CDH20: variants seen among roughly 807,000 people sequenced by gnomAD.
CDH20 encodes cadherin 20.
CDH20 carries 29 observed loss-of-function variants against 74.2 expected under a neutral mutation model. The observed-to-expected ratio is 0.39, with a 90% CI of 0.29 to 0.53. CDH20 has a LOEUF of 0.53. CDH20 is among the 20% of genes least tolerant of loss of function. CDH20 has a pLI of 0.69. For missense variants in CDH20, 988 were observed against 1,048.3 expected (o/e 0.94, Z 0.79); for synonymous variants, 469 against 405.4 (o/e 1.16, Z -1.88).
chr18:61,520,277 C>G (rs1418739182), intron 6 of CDH20, among the ~76,000 whole-genome samples: 5 of 144,096 alleles, frequency 3.5e-5, no homozygotes, highest in Non-Finnish European at 7.5e-5. Flanking sequence ...GATCGTGCCA[C>G]TGCACTCCAG....
chr18:61,393,440 G>A (rs111439920), intron 1 of CDH20, among the ~76,000 whole-genome samples: 2,293 of 152,256 alleles, frequency 0.015, 63 homozygotes, highest in African/African-American at 0.052. Context: ...GAGCCCAGCC[G>A]TTTCTCCCAG....
chr18:61,436,604 G>A (rs1908848796), intron 1 of CDH20, among the ~76,000 whole-genome samples: 1 of 152,122 alleles, frequency 6.6e-6, no homozygotes, highest in Non-Finnish European at 1.5e-5. Flanking sequence ...TAGGGATAGA[G>A]CCTGTGTTTA....
intron 9 of CDH20, 83 bp from the exon 10 acceptor site, chr18:61,544,944 G>A (rs576862160): frequency 2.5e-4 from 214 of 853,812 alleles, no homozygotes; most frequent in African/African-American, 1.8e-3. Flanking sequence ...TCCCACCATC[G>A]CGTTTCCGGG....
chr18:61,394,210 C>T (rs1182018110), intron 1 of CDH20, among the ~76,000 whole-genome samples: 1 of 152,072 alleles, frequency 6.6e-6, no homozygotes, highest in African/African-American at 2.4e-5. Context: ...CAATCAAATG[C>T]GAGTGGCCAG....
Position 61,374,904 on chromosome 18 carries a change from A to T in CDH20, c.-153+41077A>T, listed in dbSNP as rs143322670. ...TTGTCAGTTTCCTCACCCAATTTAC[A>T]TGTCTTTAGCAATCTCTAAAGAGGT... On this transcript the variant is annotated intron_variant, in intron 1 of 11. Coordinates refer to ENST00000262717, the MANE Select transcript of CDH20 (RefSeq NM_031891.4). Among the ~76,000 whole-genome samples, 337 of 152,262 alleles carry T rather than the reference A, an allele frequency of 2.2e-3. 3 individuals carry two copies. The highest frequency in any genetic ancestry group is 7.8e-3 in the African/African-American group (326 of 41,552).
intron 1 of CDH20, among the ~76,000 whole-genome samples, chr18:61,392,316 G>A (rs1478289961): frequency 1.3e-5 from 2 of 152,046 alleles, no homozygotes; most frequent in Non-Finnish European, 2.9e-5. Flanking sequence ...CAGATGTCAT[G>A]TCCTCAGGGA....
chr18:61,443,534 A>G (rs1043984955), intron 1 of CDH20, among the ~76,000 whole-genome samples: 2 of 152,160 alleles, frequency 1.3e-5, no homozygotes, highest in Non-Finnish European at 2.9e-5. Context: ...TATGCTCCAG[A>G]GCCGTGCTAC....
chr18:61,469,692 G>A lies in CDH20; in HGVS notation c.-152-20710G>A, dbSNP rs375542774. Among the ~76,000 whole-genome samples the A allele has an allele frequency of 2.6e-4, 40 of 152,274 alleles. No individual in the cohort carries two copies. In the South Asian group the frequency reaches 4.3e-3, roughly 17 times the overall value. ...ATCAACCTTTGGAGTATAAACATAC[G>A]TATGTATGTAAAGAGAAAATCACCC... On this transcript the variant is annotated intron_variant, in intron 1 of 11. Coordinates refer to ENST00000262717, the MANE Select transcript of CDH20 (RefSeq NM_031891.4).
intron 1 of CDH20, among the ~76,000 whole-genome samples, chr18:61,342,507 C>G (rs900901499): frequency 1.3e-5 from 2 of 152,202 alleles, no homozygotes; most frequent in African/African-American, 4.8e-5. Flanking sequence ...CTCACCCTGG[C>G]TATCACTACT....
chr18:61,352,013 A>G (rs1020603316), intron 1 of CDH20, among the ~76,000 whole-genome samples: 3 of 152,210 alleles, frequency 2.0e-5, no homozygotes, highest in African/African-American at 4.8e-5. Flanking sequence ...GTGCTTATTA[A>G]GATGTTTTTG....
At chr18:61,553,674 G>C (rs1035125990) in intron 11 of CDH20, among the ~76,000 whole-genome samples, 7 of 152,140 alleles carry the variant, frequency 4.6e-5, no homozygotes, top group Non-Finnish European at 8.8e-5. Context: ...TAGTATGTGT[G>C]TCTCTATGCA....
intron 1 of CDH20, among the ~76,000 whole-genome samples, chr18:61,447,120 C>G (rs1459359053): frequency 6.6e-6 from 1 of 152,158 alleles, no homozygotes; most frequent in Non-Finnish European, 1.5e-5. Flanking sequence ...AATGAAAGTT[C>G]TAGACCTTCC....
intron 1 of CDH20, among the ~76,000 whole-genome samples, chr18:61,412,437 G>A (rs973446885): frequency 6.6e-6 from 1 of 151,982 alleles, no homozygotes; most frequent in Non-Finnish European, 1.5e-5. Flanking sequence ...AAATTAAAGG[G>A]CCACATATCT....
chr18:61,489,911 G>A (rs1300277132), intron 1 of CDH20, among the ~76,000 whole-genome samples: 1 of 151,996 alleles, frequency 6.6e-6, no homozygotes, highest in Non-Finnish European at 1.5e-5. Flanking sequence ...ACAGCAGTAG[G>A]CACAAGATCA....
intron 1 of CDH20, among the ~76,000 whole-genome samples, chr18:61,376,657 C>G (rs916224933): frequency 3.3e-5 from 5 of 151,998 alleles, no homozygotes; most frequent in African/African-American, 1.2e-4. Flanking sequence ...AAGCCCTAAA[C>G]TTTGATGGGA....
chr18:61,396,552 T>C (rs1911984947), intron 1 of CDH20, among the ~76,000 whole-genome samples: 1 of 152,284 alleles, frequency 6.6e-6, no homozygotes, highest in East Asian at 1.9e-4. Context: ...TAGACAGCTC[T>C]CCCACAGGGT....
intron 1 of CDH20, among the ~76,000 whole-genome samples, chr18:61,396,507 C>A (rs1911982823): frequency 6.6e-6 from 1 of 152,080 alleles, no homozygotes; most frequent in African/African-American, 2.4e-5. Flanking sequence ...TTTCCAGAAT[C>A]AACAGTGACT....
chr18:61,386,027 T>TA (rs367694214), intron 1 of CDH20, among the ~76,000 whole-genome samples: 244 of 152,304 alleles, frequency 1.6e-3, no homozygotes, highest in African/African-American at 5.5e-3. Flanking sequence ...AGTGTAATCT[T>TA]AAAAAATAAG....
At position 61,383,957 on chromosome 18, in the gene CDH20, A is replaced by G. The variant is rs189285581; in HGVS notation, c.-153+50130A>G. Among the ~76,000 whole-genome samples, 297 of 152,292 alleles carry G rather than the reference A, an allele frequency of 2.0e-3. 4 individuals carry two copies. Among genetic ancestry groups the G allele is most frequent in the African/African-American group, 7.0e-3 (290 of 41,574 alleles). Reference sequence around the variant, plus strand: ...TGAAGATCCCATATATGAGATTGCCAGATCTCAGAAGAAGCCTCCCCTACC... The same window carrying G: ...TGAAGATCCCATATATGAGATTGCCGGATCTCAGAAGAAGCCTCCCCTACC... On this transcript the variant is annotated intron_variant, in intron 1 of 11. Transcript: ENST00000262717.
Sources: allele counts gnomAD v4.1 joint callset (sites outside exome capture counted in the v4.1 genomes callset), GRCh38; gene constraint gnomAD v4.1.1; transcripts MANE v1.5; gene names NCBI Gene and HGNC (gene_info 2026-07-23, HGNC 2026-07-21).